Variants in PTPN4 observed in about 807,000 individuals in gnomAD.
The protein encoded by PTPN4 is protein tyrosine phosphatase non-receptor type 4.
Under a neutral mutation model 135.5 loss-of-function variants are expected in PTPN4, and 49 were observed. That is an observed-to-expected ratio of 0.36 (90% CI 0.29 to 0.46). PTPN4 has a LOEUF of 0.46. Among genes scored for constraint, PTPN4 ranks in the 20% least tolerant of loss-of-function variants. The pLI, the probability that PTPN4 is intolerant of heterozygous loss-of-function variation, is 1.00. For missense variants in PTPN4, 860 were observed against 1,101.0 expected, an observed-to-expected ratio of 0.78 and a Z score of 3.10; for synonymous variants, 333 against 369.9, an observed-to-expected ratio of 0.90 and a Z score of 1.14.
At chr2:119,887,062 A>C (rs1678170317) in intron 9 of PTPN4, among the ~76,000 whole-genome samples, 1 of 150,590 alleles carries the variant, frequency 6.6e-6, no homozygotes, top group South Asian at 2.1e-4. Context: ...TTCCTTATTT[A>C]GGGCCTATAT....
chr2:119,776,320 C>T (rs1002131257), intron 1 of PTPN4, among the ~76,000 whole-genome samples: 3 of 152,120 alleles, frequency 2.0e-5, no homozygotes, highest in Non-Finnish European at 2.9e-5. Flanking sequence ...GGACTACAGG[C>T]GCCTGCCACC....
intron 10 of PTPN4, among the ~76,000 whole-genome samples, chr2:119,911,698 A>G (rs1449377112): frequency 6.6e-6 from 1 of 152,150 alleles, no homozygotes; most frequent in African/African-American, 2.4e-5. Context: ...AATGGGGAAG[A>G]AAAAAGTATA....
At chr2:119,864,984 A>G (rs1360548974) in intron 3 of PTPN4, among the ~76,000 whole-genome samples, 2 of 152,140 alleles carry the variant, frequency 1.3e-5, no homozygotes, top group East Asian at 3.8e-4. Flanking sequence ...CTAATTTTTC[A>G]TAAGACATTA....
At chr2:119,910,837 A>G (rs1455878183) in intron 10 of PTPN4, among the ~76,000 whole-genome samples, 2 of 151,636 alleles carry the variant, frequency 1.3e-5, no homozygotes, top group African/African-American at 4.8e-5. Flanking sequence ...AGTCAATTAA[A>G]CCTCTTTCCC....
chr2:119,881,916 T>A, intron 6 of PTPN4, 86 bp downstream of exon 6: 1 of 1,154,366 alleles, frequency 8.7e-7, no homozygotes, highest in South Asian at 1.4e-5. Context: ...TCATGGTCAT[T>A]GCAAACAAAT....
At chr2:119,831,880 A>G (rs771684311) in intron 2 of PTPN4, among the ~76,000 whole-genome samples, 1 of 152,246 alleles carries the variant, frequency 6.6e-6, no homozygotes, top group Non-Finnish European at 1.5e-5. Flanking sequence ...TGTTGGCATC[A>G]TCATACTAGA....
At chr2:119,940,246 T>C (rs913799769) in intron 15 of PTPN4, among the ~76,000 whole-genome samples, 3 of 152,104 alleles carry the variant, frequency 2.0e-5, no homozygotes, top group Non-Finnish European at 4.4e-5. Flanking sequence ...GTAATCAACC[T>C]GAAGTGACAT....
At chr2:119,848,992 G>A (rs1677550271) in intron 2 of PTPN4, among the ~76,000 whole-genome samples, 1 of 152,076 alleles carries the variant, frequency 6.6e-6, no homozygotes, top group Admixed American at 6.5e-5. Context: ...CAGATCTACT[G>A]GTGAGCCCCT....
At chr2:119,976,962 T>G in intron 26 of PTPN4, 22 bp from the exon 27 acceptor site, 1 of 1,596,790 alleles carries the variant, frequency 6.3e-7, no homozygotes. Flanking sequence ...ATCAGTTCTG[T>G]TTTTTATATT....
At chr2:119,849,247 T>C (rs1293346787) in intron 2 of PTPN4, among the ~76,000 whole-genome samples, 1 of 152,220 alleles carries the variant, frequency 6.6e-6, no homozygotes, top group Non-Finnish European at 1.5e-5. Flanking sequence ...GTTTCTCTTA[T>C]ATGTTTCTGT....
chr2:119,857,449 G>T (rs1474606439), intron 2 of PTPN4, among the ~76,000 whole-genome samples: 1 of 151,286 alleles, frequency 6.6e-6, no homozygotes, highest in African/African-American at 2.4e-5. Flanking sequence ...CAGGGGAATT[G>T]CTTGAACCAG....
chr2:119,898,543 C>T (rs141615525), intron 9 of PTPN4, among the ~76,000 whole-genome samples: 34 of 152,200 alleles, frequency 2.2e-4, no homozygotes, highest in East Asian at 1.5e-3. Flanking sequence ...TCAATGCCTA[C>T]GAGGTACTTT....
At chr2:119,966,115 T>C (rs1026664694) in intron 25 of PTPN4, among the ~76,000 whole-genome samples, 3 of 152,152 alleles carry the variant, frequency 2.0e-5, no homozygotes, top group African/African-American at 7.2e-5. Flanking sequence ...TTATGGCACT[T>C]TGTTGTGTCA....
Position 119,845,059 on chromosome 2 carries a change from C to A in PTPN4, c.139-17477C>A, listed in dbSNP as rs1163263091. 1.3e-4 allele frequency among the ~76,000 whole-genome samples: 20 copies of A among 149,358 alleles called. No individual in the cohort carries two copies. In the East Asian group the frequency reaches 2.6e-3, roughly 19 times the overall value. Reference sequence around the variant, plus strand: ...CGCGGTTAGGGGCTGGAGACCGGCCCGGCCAACACAGCGAAACCCCGTCTC... The same window carrying A: ...CGCGGTTAGGGGCTGGAGACCGGCCAGGCCAACACAGCGAAACCCCGTCTC... On this transcript the variant is annotated intron_variant, in intron 2 of 26. Transcript: ENST00000263708.
rs549667058 is a variant in PTPN4, at chr2:119,801,366, G to A, written c.-17-8471G>A. Among the ~76,000 whole-genome samples the A allele has an allele frequency of 3.0e-4, 45 of 152,244 alleles. No homozygotes were observed. The South Asian group carries it at 6.0e-3, about 20-fold the overall frequency. On this transcript the variant is annotated intron_variant, in intron 1 of 26. Coordinates refer to ENST00000263708, the MANE Select transcript of PTPN4 (RefSeq NM_002830.4). ...GCCTCCCAAAATTCTGGGATTACAGGCGTGAGTCACTGCGCCTGGCCTTCC... is the reference window on the plus strand; with the variant it reads ...GCCTCCCAAAATTCTGGGATTACAGACGTGAGTCACTGCGCCTGGCCTTCC...
chr2:119,962,989 A>T (rs911605934), intron 24 of PTPN4, among the ~76,000 whole-genome samples: 1 of 152,190 alleles, frequency 6.6e-6, no homozygotes, highest in Non-Finnish European at 1.5e-5. Context: ...GTAGTCTGGT[A>T]AATAATACTA....
At chr2:119,843,831 G>A (rs1203428524) in intron 2 of PTPN4, among the ~76,000 whole-genome samples, 1 of 7,326 alleles carries the variant, frequency 1.4e-4, no homozygotes, top group African/African-American at 6.1e-4. Context: ...CGGACGGGGC[G>A]GCTGGCCGGG....
intron 18 of PTPN4, among the ~76,000 whole-genome samples, chr2:119,947,550 A>G (rs1679153404): frequency 6.6e-6 from 1 of 152,162 alleles, no homozygotes; most frequent in Admixed American, 6.5e-5. Context: ...AAGAGCATGA[A>G]TGCAATCACA....
intron 2 of PTPN4, among the ~76,000 whole-genome samples, chr2:119,820,572 T>C (rs1677051034): frequency 6.6e-6 from 1 of 152,174 alleles, no homozygotes; most frequent in Non-Finnish European, 1.5e-5. Context: ...ATGCTGGTGT[T>C]GGTGTTGATG....
Sources: allele counts gnomAD v4.1 joint callset (sites outside exome capture counted in the v4.1 genomes callset), GRCh38; gene constraint gnomAD v4.1.1; transcripts MANE v1.5; gene names NCBI Gene and HGNC (gene_info 2026-07-23, HGNC 2026-07-21).